UBR3: variants seen among roughly 807,000 people sequenced by gnomAD.
UBR3 encodes the protein E3 ubiquitin-protein ligase UBR3.
In UBR3, 85 loss-of-function variants were observed where a neutral mutation model predicts 243.2. The ratio of observed to expected loss-of-function variants is 0.35; its 90% confidence interval spans 0.29 to 0.42. The LOEUF (loss-of-function observed/expected upper bound fraction) is 0.42. Ranked by LOEUF, UBR3 falls within the 10% of genes least tolerant of loss-of-function variation. UBR3 has a pLI of 1.00. For missense variants in UBR3, 1,686 were observed against 2,300.8 expected, an observed-to-expected ratio of 0.73 and a Z score of 5.47; for synonymous variants, 748 against 799.8, an observed-to-expected ratio of 0.94 and a Z score of 1.09.
chr2:170,014,065 T>C (rs1424097956), intron 29 of UBR3: 1 of 370,066 alleles, frequency 2.7e-6, no homozygotes, highest in East Asian at 8.2e-5. Context: ...AGCAACCAGA[T>C]GGAGCTCTGA....
chr2:169,982,656 G>T (rs1319942202), intron 24 of UBR3, among the ~76,000 whole-genome samples: 1 of 151,756 alleles, frequency 6.6e-6, no homozygotes, highest in East Asian at 1.9e-4. Context: ...TATTCCAGAC[G>T]GAAACACCTT....
chr2:169,932,967 C>A lies in UBR3; in HGVS notation c.2622C>A (p.Tyr874Ter). Residue 874 changes from tyrosine to a stop codon, truncating the protein, a stop_gained, in exon 19 of 39, where the codon TAC becomes TAA. Transcript: ENST00000272793. LOFTEE classifies it high-confidence loss of function. ...TCATGGTCATTCTTCGAACAGTTTA[C>A]CGTAGAGATGTGCAGTCTGCAATGG... Reference protein sequence around the residue: ...DPVMVILRTVYRRDVQSAMDR... With the variant: ...DPVMVILRTV 6.5e-7 allele frequency: 1 copy of A among 1,538,950 alleles called. No individual in the cohort carries two copies. Among genetic ancestry groups the A allele is most frequent in the Non-Finnish European group, 8.7e-7 (1 of 1,143,874 alleles).
chr2:170,078,152 T>A (rs186639515), intron 36 of UBR3: 102 of 581,580 alleles, frequency 1.8e-4, no homozygotes, highest in South Asian at 1.6e-3. Context: ...AAGATAAAGC[T>A]TAGCCTTCAG....
At chr2:169,938,654 A>C (rs954399489) in intron 19 of UBR3, among the ~76,000 whole-genome samples, 1 of 152,108 alleles carries the variant, frequency 6.6e-6, no homozygotes, top group Admixed American at 6.5e-5. Context: ...GATGAATTCC[A>C]ATTTTTTTCT....
chr2:169,860,202 GTTTTTGT>G (rs2105301528), intron 1 of UBR3, among the ~76,000 whole-genome samples: 1 of 152,202 alleles, frequency 6.6e-6, no homozygotes, highest in African/African-American at 2.4e-5. Flanking sequence ...GTATGTTTCT[GTTTTTGT>G]TTTTTGTTTG....
At position 169,926,872 on chromosome 2, in the gene UBR3, C is replaced by G; in HGVS notation, c.2239C>G (p.Gln747Glu). 6.5e-7 allele frequency: 1 copy of G among 1,549,814 alleles called. No individual in the cohort carries two copies. The highest frequency in any genetic ancestry group is 8.7e-7 in the Non-Finnish European group (1 of 1,145,658). ...AGTGGATTTGTTGACAATGGCATCA[C>G]AACATCAAAATACAGTACTTGATGC... ...KVVDLLTMAS[Q>E]HQNTVLDAEH... is the part of the protein sequence containing the mutation. The change falls in exon 16 of 39, where the codon CAA becomes GAA. Residue 747 changes from glutamine to glutamate, a missense_variant. Physicochemically the swap from Gln to Glu is conservative, Grantham distance 29 (BLOSUM62 2). Around this residue, in one of 8 missense-constraint regions of UBR3, gnomAD observed 346 missense variants for 585.8 expected, o/e 0.59. Coordinates refer to ENST00000272793, the MANE Select transcript of UBR3 (RefSeq NM_172070.4).
intron 1 of UBR3, among the ~76,000 whole-genome samples, chr2:169,836,412 C>T (rs1030352107): frequency 8.8e-4 from 133 of 151,758 alleles, no homozygotes; most frequent in Non-Finnish European, 8.8e-5. Flanking sequence ...TCTTGTTTTT[C>T]TGCTTATTGA....
At chr2:169,973,969 T>C (rs932888592) in intron 24 of UBR3, among the ~76,000 whole-genome samples, 1 of 152,230 alleles carries the variant, frequency 6.6e-6, no homozygotes, top group Admixed American at 6.5e-5. Context: ...TTTTTGTCCT[T>C]CATTGTGTTG....
chr2:169,886,861 A>T (rs2084121798), intron 5 of UBR3, among the ~76,000 whole-genome samples: 1 of 152,280 alleles, frequency 6.6e-6, no homozygotes, highest in East Asian at 1.9e-4. Context: ...GGCTTACATA[A>T]ATCTTCAAGT....
chr2:170,031,728 A>G (rs1382858308), intron 31 of UBR3, among the ~76,000 whole-genome samples: 1 of 152,006 alleles, frequency 6.6e-6, no homozygotes, highest in Non-Finnish European at 1.5e-5. Flanking sequence ...TCTTTTGTCC[A>G]TGAGTACCTA....
At chr2:169,898,487 G>A (rs776806667) in intron 8 of UBR3, among the ~76,000 whole-genome samples, 49 of 151,772 alleles carry the variant, frequency 3.2e-4, no homozygotes, top group Non-Finnish European at 5.9e-4. Context: ...TTATAGATGA[G>A]GCAGCTGAGG....
intron 19 of UBR3, 72 bp from the exon 20 acceptor site, chr2:169,942,421 T>C: frequency 1.4e-6 from 2 of 1,424,658 alleles, no homozygotes; most frequent in East Asian, 2.5e-5. Context: ...AATTGGTGTC[T>C]ATAAATTACA....
At chr2:169,876,563 A>ATTGTATTGTATTGTATTGTATTGTG (rs2083622902) in intron 3 of UBR3, among the ~76,000 whole-genome samples, 1 of 148,572 alleles carries the variant, frequency 6.7e-6, no homozygotes, top group South Asian at 2.1e-4. Flanking sequence ...ATTGTATTGT[A>ATTGTATTGTATTGTATTGTATTGTG]TTGTATTTTT....
chr2:170,016,871 A>G lies in UBR3; in HGVS notation c.4453+1505A>G, dbSNP rs143724618. 438 of 858,894 alleles carry G rather than the reference A, an allele frequency of 5.1e-4. 2 individuals carry two copies. In the African/African-American group the frequency reaches 7.4e-3, roughly 14 times the overall value. The allele number at this position is 858,894 out of a possible 1,614,324, so 53.2% of individuals were successfully genotyped here. A position where few individuals can be genotyped will look rare whatever the true frequency, so the allele number is the denominator to read the frequency against. On this transcript the variant is annotated intron_variant, in intron 30 of 38. Transcript: ENST00000272793. ...TATTTTTCCCTTTACTAAATCAGAAATTATACTGTGCCAATATAGAAAAAG... is the reference window on the plus strand; with the variant it reads ...TATTTTTCCCTTTACTAAATCAGAAGTTATACTGTGCCAATATAGAAAAAG...
intron 24 of UBR3, among the ~76,000 whole-genome samples, chr2:169,960,721 C>A (rs1020253394): frequency 2.0e-5 from 3 of 152,006 alleles, no homozygotes; most frequent in African/African-American, 7.3e-5. Flanking sequence ...TTTTCAGATA[C>A]TTTTAAACTT....
Position 170,083,890 on chromosome 2 carries a change from G to A in UBR3, c.*2047G>A, listed in dbSNP as rs952306539. 3.9e-5 allele frequency: 6 copies of A among 152,428 alleles called. No individual in the cohort carries two copies. The highest frequency in any genetic ancestry group is 1.4e-4 in the African/African-American group (6 of 41,386). The allele number at this position is 152,428 out of a possible 1,614,324, so 9.4% of individuals were successfully genotyped here. A position where few individuals can be genotyped will look rare whatever the true frequency, so the allele number is the denominator to read the frequency against. Reference sequence around the variant, plus strand: ...TAATTTTTCCCCATAACTTTTATAAGTCCCATTTATAAACCCACTTTTAAA... The same window carrying A: ...TAATTTTTCCCCATAACTTTTATAAATCCCATTTATAAACCCACTTTTAAA... On this transcript the variant is annotated 3_prime_UTR_variant, in exon 39 of 39. Transcript: ENST00000272793.
intron 1 of UBR3, among the ~76,000 whole-genome samples, chr2:169,866,150 CAAAA>C (rs578054467): frequency 5.6e-5 from 3 of 53,380 alleles, no homozygotes; most frequent in East Asian, 1.3e-3. Flanking sequence ...GACTGTGTCT[CAAAA>C]AAAAAAAAAA....
At chr2:169,839,680 CAT>C (rs1553488903) in intron 1 of UBR3, among the ~76,000 whole-genome samples, 6 of 152,174 alleles carry the variant, frequency 3.9e-5, no homozygotes, top group Admixed American at 6.5e-5. Flanking sequence ...CACACACACA[CAT>C]ATAGTGCAAT....
chr2:169,890,546 T>TATATATAC lies in UBR3; in HGVS notation c.1039-612_1039-611insCATATATA, dbSNP rs1559063905. 9.4e-4 allele frequency among the ~76,000 whole-genome samples: 53 copies of TATATATAC among 56,092 alleles called. 3 individuals carry two copies. The highest frequency in any genetic ancestry group is 3.2e-3 in the African/African-American group (48 of 15,022). 36.8% of individuals were successfully genotyped at this position (56,092 alleles called of 152,430 possible). A position where few individuals can be genotyped will look rare whatever the true frequency, so the allele number is the denominator to read the frequency against. ...TCTAGGAGAGAGAGAGAGAGATATA[T>TATATATAC]ATATATATATATATATATGTGTATA... On this transcript the variant is annotated intron_variant, in intron 5 of 38. Coordinates refer to ENST00000272793, the MANE Select transcript of UBR3 (RefSeq NM_172070.4).
Sources: allele counts gnomAD v4.1 joint callset (sites outside exome capture counted in the v4.1 genomes callset), GRCh38; gene constraint gnomAD v4.1.1; regional missense constraint gnomAD v4.1.1; transcripts MANE v1.5; gene names NCBI Gene and HGNC (gene_info 2026-07-23, HGNC 2026-07-21).